The following NANOS3 variants were observed in gnomAD, a reference collection of about 807,000 sequenced individuals.
The protein encoded by NANOS3 is nanos C2HC-type zinc finger 3.
Under a neutral mutation model 13.8 loss-of-function variants are expected in NANOS3, and 11 were observed. That is an observed-to-expected ratio of 0.80 (90% CI 0.50 to 1.32). The LOEUF is 1.32. Among genes scored for constraint, NANOS3 ranks in the 40% most tolerant of loss-of-function variants. The pLI is 0.00. For synonymous variants in NANOS3, 119 were observed against 115.4 expected, an observed-to-expected ratio of 1.03 and a Z score of -0.20; for missense variants, 221 against 263.8, an observed-to-expected ratio of 0.84 and a Z score of 1.12.
chr19:13,869,651 C>A (rs902380439), intron 1 of NANOS3, among the ~76,000 whole-genome samples: 1 of 151,738 alleles, frequency 6.6e-6, no homozygotes, highest in Admixed American at 6.6e-5. Context: ...CCCACGGAGA[C>A]CCCCACAGGG....
chr19:13,870,993 G>A (rs868273917), intron 1 of NANOS3, among the ~76,000 whole-genome samples: 7 of 151,910 alleles, frequency 4.6e-5, no homozygotes, highest in Non-Finnish European at 7.4e-5. Context: ...AGGAACTAAG[G>A]ATAAAGAAGA....
upstream of NANOS3, among the ~76,000 whole-genome samples, chr19:13,864,529 TG>T (rs1976202004): frequency 6.6e-6 from 1 of 152,152 alleles, no homozygotes; most frequent in South Asian, 2.1e-4. Flanking sequence ...TGTGTCTCCA[TG>T]GGTGTGTTCT....
At chr19:13,862,632 G>A (rs1202382659), upstream of NANOS3, among the ~76,000 whole-genome samples, 1 of 152,026 alleles carries the variant, frequency 6.6e-6, no homozygotes, top group Admixed American at 6.6e-5. Context: ...TCCGCCTCCC[G>A]GGTTCAAGTG....
chr19:13,880,365 G>A, intron 1 of NANOS3, 77 bp from the exon 2 acceptor site: 1 of 1,394,126 alleles, frequency 7.2e-7, no homozygotes, highest in East Asian at 2.3e-5. Flanking sequence ...AGGCCCGGAG[G>A]CCGAGTCCGT....
chr19:13,866,009 G>A (rs866074991), intron 1 of NANOS3, among the ~76,000 whole-genome samples: 17 of 152,106 alleles, frequency 1.1e-4, no homozygotes, highest in African/African-American at 3.4e-4. Flanking sequence ...CGGGGGCCCC[G>A]CTCAGGCCTG....
Position 13,880,469 on chromosome 19 carries a change from C to T in NANOS3, c.545C>T (p.Pro182Leu), listed in dbSNP as rs1226689429. ...TTCAGAGGTGCCGGGAAGTCTGAGCCTTCGCCCTCCTGCTCTCCCTCCATG... is the reference window on the plus strand; with the variant it reads ...TTCAGAGGTGCCGGGAAGTCTGAGCTTTCGCCCTCCTGCTCTCCCTCCATG... Reference protein sequence around the residue: ...AGFRGAGKSEPSPSCSPSMST With the variant: ...AGFRGAGKSELSPSCSPSMST Residue 182 changes from proline (P) to leucine (L), a missense_variant, in exon 2 of 2, where the codon CCT becomes CTT. This residue lies in a region of NANOS3 where 60 missense variants were observed against 56.5 expected (regional missense o/e 1.06). Coordinates refer to ENST00000339133, the MANE Select transcript of NANOS3 (RefSeq NM_001098622.3). The T allele has an allele frequency of 2.2e-5, 36 of 1,614,060 alleles. No individual in the cohort carries two copies. Among genetic ancestry groups the T allele is most frequent in the Admixed American group, 3.3e-5 (2 of 60,010 alleles).
chr19:13,868,035 A>G (rs189107746), intron 1 of NANOS3, among the ~76,000 whole-genome samples: 1 of 151,416 alleles, frequency 6.6e-6, no homozygotes, highest in African/African-American at 2.4e-5. Flanking sequence ...CACAAACCCA[A>G]TAATATTTTT....
chr19:13,865,979 C>T (rs2145063239), intron 1 of NANOS3, among the ~76,000 whole-genome samples: 1 of 152,122 alleles, frequency 6.6e-6, no homozygotes, highest in South Asian at 2.1e-4. Flanking sequence ...GGCGCTCGGG[C>T]CTGCGGAGAC....
chr19:13,880,482 C>T lies in NANOS3; in HGVS notation c.558C>T (p.Cys186=). 6.2e-7 allele frequency: 1 copy of T among 1,613,976 alleles called. No homozygotes were observed. Among genetic ancestry groups the T allele is most frequent in the Non-Finnish European group, 8.5e-7 (1 of 1,179,886 alleles). The change falls in exon 2 of 2, where the codon TGC becomes TGT. Residue 186 remains cysteine (C), a synonymous_variant. Coordinates refer to ENST00000339133, the MANE Select transcript of NANOS3 (RefSeq NM_001098622.3). The part of the protein sequence containing the change: ...GAGKSEPSPS[C]SPSMST Reference sequence around the variant, plus strand: ...GGAAGTCTGAGCCTTCGCCCTCCTGCTCTCCCTCCATGTCCACCTAGGAGG... The same window carrying T: ...GGAAGTCTGAGCCTTCGCCCTCCTGTTCTCCCTCCATGTCCACCTAGGAGG...
upstream of NANOS3, among the ~76,000 whole-genome samples, chr19:13,862,905 A>G (rs1568360365): frequency 6.6e-6 from 1 of 152,224 alleles, no homozygotes; most frequent in Non-Finnish European, 1.5e-5. Context: ...TCGGTTGCCC[A>G]TCTGTGGAAA....
chr19:13,868,532 T>C (rs574239714), intron 1 of NANOS3, among the ~76,000 whole-genome samples: 1 of 151,608 alleles, frequency 6.6e-6, no homozygotes, highest in South Asian at 2.1e-4. Flanking sequence ...AAAAAACATA[T>C]TAGCTGGGCG....
upstream of NANOS3, among the ~76,000 whole-genome samples, chr19:13,863,415 G>A (rs4926317): frequency 2.0e-5 from 3 of 151,864 alleles, no homozygotes; most frequent in African/African-American, 4.8e-5. Flanking sequence ...ACAGTGTCTC[G>A]CTGTGTTGCC....
chr19:13,877,851 T>C (rs1968551387), intron 1 of NANOS3, 86 bp downstream of exon 1: 1 of 1,467,406 alleles, frequency 6.8e-7, no homozygotes, highest in South Asian at 1.4e-5. Flanking sequence ...AGTACCCACC[T>C]CCAAGGGTTA....
chr19:13,867,135 T>C (rs546967028), intron 1 of NANOS3, among the ~76,000 whole-genome samples: 2 of 152,120 alleles, frequency 1.3e-5, no homozygotes, highest in Admixed American at 6.5e-5. Context: ...GAGATGGGGT[T>C]TCACCATGTT....
chr19:13,873,531 C>T (rs139905716), upstream of NANOS3, among the ~76,000 whole-genome samples: 1,074 of 152,106 alleles, frequency 7.1e-3, 18 homozygotes, highest in African/African-American at 0.025. Context: ...TACAGTGGCG[C>T]GATCACGGCT....
chr19:13,875,907 T>C (rs1193559241), upstream of NANOS3, among the ~76,000 whole-genome samples: 1 of 152,156 alleles, frequency 6.6e-6, no homozygotes, highest in East Asian at 1.9e-4. Flanking sequence ...GTCCAAGTCC[T>C]GAGCACACCC....
At chr19:13,880,051 T>C (rs934100713) in intron 1 of NANOS3, among the ~76,000 whole-genome samples, 1 of 152,032 alleles carries the variant, frequency 6.6e-6, no homozygotes, top group Non-Finnish European at 1.5e-5. Flanking sequence ...CATGAAAGAC[T>C]GCCTCCAGGA....
At chr19:13,863,653 TC>T (rs1976189847), upstream of NANOS3, among the ~76,000 whole-genome samples, 1 of 152,072 alleles carries the variant, frequency 6.6e-6, no homozygotes, top group African/African-American at 2.4e-5. Flanking sequence ...TCCCATTCTC[TC>T]CCCTGCACGT....
At chr19:13,870,683 T>C (rs1451776761) in intron 1 of NANOS3, among the ~76,000 whole-genome samples, 3 of 148,102 alleles carry the variant, frequency 2.0e-5, no homozygotes, top group East Asian at 2.1e-4. Context: ...TTCTCGTGCC[T>C]CAGCCTCCCA....
Sources: gnomAD v4.1 joint callset for allele counts (sites outside exome capture counted in the v4.1 genomes callset) on GRCh38, gnomAD v4.1.1 for gene constraint, gnomAD v4.1.1 regional missense constraint, MANE v1.5 for transcripts, NCBI Gene and HGNC (gene_info 2026-07-23, HGNC 2026-07-21) for gene names.